The following SLC44A5 variants were observed in gnomAD, a reference collection of about 807,000 sequenced individuals.
SLC44A5 encodes the protein choline transporter-like protein 5.
In SLC44A5, 57 loss-of-function variants were observed where a neutral mutation model predicts 101.8. That is an observed-to-expected ratio of 0.56 (90% CI 0.45 to 0.70). SLC44A5 has a LOEUF of 0.70. Among genes scored for constraint, SLC44A5 ranks in the 30% least tolerant of loss-of-function variants. SLC44A5 has a pLI of 0.00. For missense variants in SLC44A5, 737 were observed against 853.1 expected, an observed-to-expected ratio of 0.86 and a Z score of 1.70; for synonymous variants, 281 against 290.9, an observed-to-expected ratio of 0.97 and a Z score of 0.35.
At chr1:75,614,591 G>A (rs1309299782), upstream of SLC44A5, among the ~76,000 whole-genome samples, 1 of 152,200 alleles carries the variant, frequency 6.6e-6, no homozygotes, top group Non-Finnish European at 1.5e-5. Flanking sequence ...CCAGACTTGG[G>A]AGGAAAAGCA....
In SLC44A5 at chr1:75,407,283, C is replaced by T. The variant is rs542743039; in HGVS notation, c.14-10662G>A. Among the ~76,000 whole-genome samples the T allele has an allele frequency of 9.2e-4, 140 of 152,188 alleles. 1 individual carries two copies. In the Middle Eastern group the frequency reaches 0.01, roughly 11 times the overall value. On this transcript the variant is annotated intron_variant, in intron 2 of 23. Coordinates refer to ENST00000370859, the MANE Select transcript of SLC44A5 (RefSeq NM_001130058.2). ...CAATATCATGAAAATGGCCATACTG[C>T]CCAAAGTAATTTATAGATTCAATGC... is the stretch of plus-strand genomic sequence containing the variant.
the SLC44A5 span, among the ~76,000 whole-genome samples, chr1:75,674,078 C>T: frequency 1.3e-5 from 2 of 152,004 alleles, no homozygotes; most frequent in Admixed American, 6.6e-5. Context: ...AGACACCAGG[C>T]ACCAGTCACA....
chr1:75,490,336 AT>A (rs1157987204), intron 2 of SLC44A5, among the ~76,000 whole-genome samples: 1 of 152,170 alleles, frequency 6.6e-6, no homozygotes, highest in Non-Finnish European at 1.5e-5. Flanking sequence ...AAAATTGCTT[AT>A]GTCTTTAACA....
Position 75,359,650 on chromosome 1 carries a change from A to G in SLC44A5, c.53-20020T>C, listed in dbSNP as rs141821197. On this transcript the variant is annotated intron_variant, in intron 3 of 23. Coordinates refer to ENST00000370859, the MANE Select transcript of SLC44A5 (RefSeq NM_001130058.2). ...GAAATATGGGACTGTTGATAACTCT[A>G]TAACATATTGATTTCAATTCCTTTG... is the stretch of plus-strand genomic sequence containing the variant. Among the ~76,000 whole-genome samples, 1,164 of 152,250 alleles carry G rather than the reference A, an allele frequency of 7.6e-3. 11 individuals carry two copies. The highest frequency in any genetic ancestry group is 0.034 in the South Asian group (164 of 4,824).
At chr1:75,701,853 T>C in the SLC44A5 span, among the ~76,000 whole-genome samples, 1 of 152,168 alleles carries the variant, frequency 6.6e-6, no homozygotes, top group Admixed American at 6.5e-5. Context: ...AGCATTCTTA[T>C]ATACCAACAA....
At chr1:75,677,928 G>A in the SLC44A5 span, 1,695 of 213,838 alleles carry the variant, frequency 7.9e-3, 30 homozygotes, top group African/African-American at 0.038. Context: ...GCCGAAGCAG[G>A]GCGAGGCATT....
the SLC44A5 span, among the ~76,000 whole-genome samples, chr1:75,660,941 C>T: frequency 6.6e-6 from 1 of 152,186 alleles, no homozygotes; most frequent in African/African-American, 2.4e-5. Flanking sequence ...TTAATGCTAT[C>T]CTTATCAAAA....
intron 2 of SLC44A5, among the ~76,000 whole-genome samples, chr1:75,521,313 G>A (rs991217975): frequency 2.0e-5 from 3 of 152,114 alleles, no homozygotes; most frequent in Admixed American, 6.5e-5. Flanking sequence ...GTAACGTCTG[G>A]GACGACATAA....
chr1:75,413,663 T>C (rs1663427872), intron 2 of SLC44A5, among the ~76,000 whole-genome samples: 1 of 152,172 alleles, frequency 6.6e-6, no homozygotes, highest in Non-Finnish European at 1.5e-5. Context: ...CTCTCTACCA[T>C]AGACACTCTC....
At chr1:75,543,698 C>CAT (rs368645591) in intron 1 of SLC44A5, among the ~76,000 whole-genome samples, 133,202 of 145,666 alleles carry the variant, frequency 0.91, 60,958 homozygotes, top group East Asian at 0.96. Flanking sequence ...CATATATATA[C>CAT]ATATATATAT....
chr1:75,647,905 G>A, the SLC44A5 span, among the ~76,000 whole-genome samples: 1 of 152,070 alleles, frequency 6.6e-6, no homozygotes, highest in Non-Finnish European at 1.5e-5. Flanking sequence ...CTTTGGACTT[G>A]GACTTTTGGG....
chr1:75,325,697 T>C (rs1262654296), intron 4 of SLC44A5, among the ~76,000 whole-genome samples: 1 of 152,114 alleles, frequency 6.6e-6, no homozygotes, highest in Non-Finnish European at 1.5e-5. Context: ...CATAGGTATG[T>C]ATGTATAGGA....
intron 6 of SLC44A5, among the ~76,000 whole-genome samples, chr1:75,252,995 A>G (rs1649710446): frequency 1.3e-5 from 2 of 152,162 alleles, no homozygotes; most frequent in African/African-American, 4.8e-5. Flanking sequence ...CCTGCACCCC[A>G]TGAGAGAGCC....
intron 2 of SLC44A5, among the ~76,000 whole-genome samples, chr1:75,482,131 G>A (rs1379282770): frequency 6.6e-6 from 1 of 152,064 alleles, no homozygotes; most frequent in African/African-American, 2.4e-5. Context: ...GGACATGGAT[G>A]AAATTGGAAA....
chr1:75,362,114 T>C (rs1462534894), intron 3 of SLC44A5, among the ~76,000 whole-genome samples: 1 of 152,054 alleles, frequency 6.6e-6, no homozygotes, highest in Non-Finnish European at 1.5e-5. Context: ...TAGCAGTTTC[T>C]TATGATCCTT....
intron 5 of SLC44A5, among the ~76,000 whole-genome samples, chr1:75,300,138 C>T (rs1414881885): frequency 2.7e-5 from 4 of 147,926 alleles, no homozygotes; most frequent in Non-Finnish European, 5.9e-5. Flanking sequence ...TGCTAGCTAT[C>T]ACTTGGGCAA....
intron 2 of SLC44A5, among the ~76,000 whole-genome samples, chr1:75,530,349 AC>A (rs1342963286): frequency 6.6e-6 from 1 of 152,198 alleles, no homozygotes; most frequent in Admixed American, 6.5e-5. Flanking sequence ...GAGTGGAGGT[AC>A]AGCAAAATGC....
At chr1:75,438,901 A>G (rs1225958982) in intron 2 of SLC44A5, among the ~76,000 whole-genome samples, 1 of 152,180 alleles carries the variant, frequency 6.6e-6, no homozygotes, top group Non-Finnish European at 1.5e-5. Flanking sequence ...GCAAAAAAAT[A>G]AAGTCAAAGT....
intron 4 of SLC44A5, among the ~76,000 whole-genome samples, chr1:75,313,304 C>T (rs895030653): frequency 3.9e-5 from 6 of 152,118 alleles, no homozygotes; most frequent in Non-Finnish European, 7.3e-5. Flanking sequence ...AGGGAAGAAA[C>T]GATGGTTATG....
Sources: allele counts gnomAD v4.1 joint callset (sites outside exome capture counted in the v4.1 genomes callset), GRCh38; gene constraint gnomAD v4.1.1; transcripts MANE v1.5; gene names NCBI Gene and HGNC (gene_info 2026-07-23, HGNC 2026-07-21).